Variants in ADAMTS19 observed in about 807,000 individuals in gnomAD.
ADAMTS19 encodes A disintegrin and metalloproteinase with thrombospondin motifs 19.
In ADAMTS19, 93 loss-of-function variants were observed where a neutral mutation model predicts 153.3. That is an observed-to-expected ratio of 0.61 (90% CI 0.51 to 0.72). The LOEUF is 0.72. Ranked by LOEUF, ADAMTS19 falls within the 30% of genes least tolerant of loss-of-function variation. ADAMTS19 has a pLI of 0.00. For synonymous variants in ADAMTS19, 600 were observed against 556.6 expected (o/e 1.08, Z -1.10); for missense variants, 1,482 against 1,552.1 (o/e 0.95, Z 0.76).
chr5:129,520,969 G>C (rs769595897), intron 3 of ADAMTS19, among the ~76,000 whole-genome samples: 3 of 151,890 alleles, frequency 2.0e-5, no homozygotes, highest in Non-Finnish European at 4.4e-5. Context: ...TGAATGAGAT[G>C]GTCACTGTAG....
At chr5:129,625,160 A>T (rs1751970325) in intron 10 of ADAMTS19, among the ~76,000 whole-genome samples, 1 of 152,130 alleles carries the variant, frequency 6.6e-6, no homozygotes. Context: ...CTACAAAGGA[A>T]ATGAATGCAT....
intron 6 of ADAMTS19, among the ~76,000 whole-genome samples, chr5:129,529,217 T>A (rs957122306): frequency 6.6e-6 from 1 of 152,146 alleles, no homozygotes; most frequent in Non-Finnish European, 1.5e-5. Flanking sequence ...CAATATGCTC[T>A]ATATGATTAC....
chr5:129,549,344 TA>T (rs1752982326), intron 6 of ADAMTS19, among the ~76,000 whole-genome samples: 1 of 151,642 alleles, frequency 6.6e-6, no homozygotes, highest in Non-Finnish European at 1.5e-5. Context: ...GTGTTCTTTA[TA>T]AGAGACTCAG....
At chr5:129,680,374 C>T (rs555805845) in intron 17 of ADAMTS19, among the ~76,000 whole-genome samples, 5 of 152,272 alleles carry the variant, frequency 3.3e-5, no homozygotes, top group Admixed American at 6.5e-5. Context: ...TAACAGTGCT[C>T]CCCATCACCC....
chr5:129,465,096 A>C (rs10068123), intron 2 of ADAMTS19, among the ~76,000 whole-genome samples: 32,593 of 152,096 alleles, frequency 0.21, 5,778 homozygotes, highest in African/African-American at 0.49. Flanking sequence ...ACCATGAGTG[A>C]TCTGATGACA....
At chr5:129,708,891 G>C (rs1010872748) in intron 21 of ADAMTS19, among the ~76,000 whole-genome samples, 8 of 152,178 alleles carry the variant, frequency 5.3e-5, no homozygotes, top group Non-Finnish European at 1.2e-4. Flanking sequence ...GGGGATTTAT[G>C]AGCCTTTTTG....
intron 9 of ADAMTS19, 81 bp from the exon 10 acceptor site, chr5:129,622,117 G>A (rs1002074475): frequency 7.3e-7 from 1 of 1,377,472 alleles, no homozygotes; most frequent in Non-Finnish European, 1.0e-6. Flanking sequence ...TATTATTAAA[G>A]TGTTTCTTGT....
At chr5:129,718,034 A>G (rs1442162554) in intron 21 of ADAMTS19, among the ~76,000 whole-genome samples, 1 of 152,180 alleles carries the variant, frequency 6.6e-6, no homozygotes, top group Non-Finnish European at 1.5e-5. Context: ...GTCTTGATAT[A>G]CTTTTTTCAC....
At chr5:129,554,611 A>G (rs1049467217) in intron 7 of ADAMTS19, among the ~76,000 whole-genome samples, 2 of 152,096 alleles carry the variant, frequency 1.3e-5, no homozygotes, top group Admixed American at 6.6e-5. Flanking sequence ...GAAGAGATGG[A>G]AGGTTTCTTT....
chr5:129,676,763 C>T (rs888418994), intron 16 of ADAMTS19, among the ~76,000 whole-genome samples: 8 of 152,088 alleles, frequency 5.3e-5, no homozygotes, highest in South Asian at 2.1e-4. Context: ...AAGCAAGAAA[C>T]ATATATACCT....
chr5:129,549,524 C>T (rs190148155), intron 6 of ADAMTS19, among the ~76,000 whole-genome samples: 8 of 151,314 alleles, frequency 5.3e-5, no homozygotes, highest in Admixed American at 2.6e-4. Flanking sequence ...ACTTAGAGAC[C>T]GAGTACTTAA....
Position 129,574,436 on chromosome 5 carries a change from C to T in ADAMTS19, c.1373-22123C>T, listed in dbSNP as rs994418257. 7.2e-5 allele frequency among the ~76,000 whole-genome samples: 11 copies of T among 152,116 alleles called. No individual in the cohort carries two copies. In the East Asian group the frequency reaches 2.1e-3, roughly 29 times the overall value. ...TCCCTCCCCTCGCACCCCAATCCCT[C>T]GACAGGCCTTGGTGTGTGTTGTTCC... On this transcript the variant is annotated intron_variant, in intron 7 of 22. Coordinates refer to ENST00000274487, the MANE Select transcript of ADAMTS19 (RefSeq NM_133638.6).
At chr5:129,572,651 G>A (rs1313676603) in intron 7 of ADAMTS19, among the ~76,000 whole-genome samples, 4 of 151,936 alleles carry the variant, frequency 2.6e-5, no homozygotes, top group Non-Finnish European at 5.9e-5. Context: ...ATTATGCTGA[G>A]GGAAAGAAGA....
chr5:129,543,356 T>G (rs988720573), intron 6 of ADAMTS19, among the ~76,000 whole-genome samples: 1 of 152,154 alleles, frequency 6.6e-6, no homozygotes, highest in Non-Finnish European at 1.5e-5. Flanking sequence ...CCAGCCTGGA[T>G]TAACTAGTTT....
At chr5:129,703,526 A>G (rs1756006866) in intron 20 of ADAMTS19, among the ~76,000 whole-genome samples, 1 of 152,178 alleles carries the variant, frequency 6.6e-6, no homozygotes, top group Admixed American at 6.5e-5. Context: ...TGAGGCCAGG[A>G]GTTCAAGACC....
chr5:129,700,677 T>C (rs1319415822), intron 19 of ADAMTS19, among the ~76,000 whole-genome samples: 1 of 152,198 alleles, frequency 6.6e-6, no homozygotes, highest in East Asian at 1.9e-4. Context: ...TGTAAAGATG[T>C]AAATTACAAA....
intron 2 of ADAMTS19, among the ~76,000 whole-genome samples, chr5:129,503,592 A>T (rs112909273): frequency 0.05 from 7,640 of 152,210 alleles, 258 homozygotes; most frequent in African/African-American, 0.092. Flanking sequence ...TGGTCCCAGT[A>T]CTTTGGGAGG....
chr5:129,492,635 G>A (rs1750806333), intron 2 of ADAMTS19, among the ~76,000 whole-genome samples: 1 of 151,750 alleles, frequency 6.6e-6, no homozygotes, highest in African/African-American at 2.4e-5. Context: ...ACTTGCTTAT[G>A]TTTTCATTAC....
intron 15 of ADAMTS19, among the ~76,000 whole-genome samples, chr5:129,663,290 C>A (rs1753898950): frequency 2.0e-5 from 3 of 152,122 alleles, no homozygotes; most frequent in Admixed American, 2.0e-4. Flanking sequence ...TCTTGATTTT[C>A]TCCACTTATT....
Sources: gnomAD v4.1 joint callset for allele counts (sites outside exome capture counted in the v4.1 genomes callset) on GRCh38, gnomAD v4.1.1 for gene constraint, MANE v1.5 for transcripts, NCBI Gene and HGNC (gene_info 2026-07-23, HGNC 2026-07-21) for gene names.